Variants in CCNY observed in about 807,000 individuals in gnomAD.
CCNY encodes cyclin Y.
CCNY carries 19 observed loss-of-function variants against 42.8 expected under a neutral mutation model. That is an observed-to-expected ratio of 0.44 (90% CI 0.31 to 0.65). The LOEUF is 0.65. CCNY is among the 30% of genes least tolerant of loss of function. The pLI is 0.07. For synonymous variants in CCNY, 165 were observed against 162.7 expected (o/e 1.01, Z -0.11); for missense variants, 370 against 437.3 (o/e 0.85, Z 1.37).
intron 1 of CCNY, among the ~76,000 whole-genome samples, chr10:35,470,998 C>T (rs1168669155): frequency 3.9e-5 from 6 of 152,162 alleles, no homozygotes; most frequent in Non-Finnish European, 7.4e-5. Flanking sequence ...AAATATTGCT[C>T]AAAAGACAGG....
intron 8 of CCNY, among the ~76,000 whole-genome samples, chr10:35,559,176 G>A (rs1304794408): frequency 1.3e-5 from 2 of 152,224 alleles, no homozygotes; most frequent in Non-Finnish European, 2.9e-5. Context: ...GAATGTCCAA[G>A]GTGCTTATGG....
intron 3 of CCNY, among the ~76,000 whole-genome samples, chr10:35,269,904 G>A (rs6481951): frequency 0.15 from 23,105 of 151,964 alleles, 3,880 homozygotes; most frequent in African/African-American, 0.42. Flanking sequence ...CTGGGGTTAC[G>A]TGCCCGGCCA....
rs1409075249 is a variant in CCNY at position 35,569,304 on chromosome 10, G to A, written c.*134G>A. On this transcript the variant is annotated 3_prime_UTR_variant, in exon 10 of 10. Transcript: ENST00000374704. ...TACGCATAGCTCCGTCAAGCTGCCTGGATGAGCGCCCATGCAGCAAGGCTT... is the reference window on the plus strand; with the variant it reads ...TACGCATAGCTCCGTCAAGCTGCCTAGATGAGCGCCCATGCAGCAAGGCTT... 3.1e-6 allele frequency: 2 copies of A among 644,776 alleles called. No homozygotes were observed. Among genetic ancestry groups the A allele is most frequent in the Non-Finnish European group, 5.5e-6 (2 of 360,476 alleles). 39.9% of individuals were successfully genotyped at this position (644,776 alleles called of 1,614,324 possible). A position where few individuals can be genotyped will look rare whatever the true frequency, so the allele number is the denominator to read the frequency against.
At chr10:35,549,616 A>T (rs868730169) in intron 7 of CCNY, among the ~76,000 whole-genome samples, 1 of 102,272 alleles carries the variant, frequency 9.8e-6, no homozygotes, top group African/African-American at 4.0e-5. Flanking sequence ...TGCTCATGAC[A>T]CATGACCCTA....
Position 35,569,155 on chromosome 10 carries a change from A to T in CCNY, c.1011A>T (p.Pro337=). 6.2e-7 allele frequency: 1 copy of T among 1,608,964 alleles called. No individual in the cohort carries two copies. The highest frequency in any genetic ancestry group is 2.2e-5 in the East Asian group (1 of 44,854). Residue 337 remains proline, a synonymous_variant, in exon 10 of 10, where the codon CCA becomes CCT. Transcript: ENST00000374704. ...ACCTGACTCTGCCCCGGTGGTCCCC[A>T]GCCATCATCTCTTAACTACGGAGGC... ...ADNLTLPRWS[P]AIIS is the part of the protein sequence containing the mutation.
At chr10:35,325,561 C>T (rs1439320942) in intron 3 of CCNY, among the ~76,000 whole-genome samples, 2 of 150,810 alleles carry the variant, frequency 1.3e-5, no homozygotes, top group Admixed American at 1.3e-4. Flanking sequence ...CTCACTGCAG[C>T]CTCTGCCTAC....
intron 1 of CCNY, among the ~76,000 whole-genome samples, chr10:35,430,252 G>A (rs969537475): frequency 4.8e-5 from 7 of 146,536 alleles, no homozygotes; most frequent in Non-Finnish European, 7.5e-5. Flanking sequence ...CAGGAGAATG[G>A]CGTGAACCCG....
intron 3 of CCNY, among the ~76,000 whole-genome samples, chr10:35,512,353 T>A (rs1316254453): frequency 2.0e-5 from 3 of 151,982 alleles, no homozygotes; most frequent in African/African-American, 4.8e-5. Context: ...GTTGAATTAA[T>A]GAGAGTGGGT....
At chr10:35,384,810 C>T (rs564212815) in intron 1 of CCNY, among the ~76,000 whole-genome samples, 1 of 152,282 alleles carries the variant, frequency 6.6e-6, no homozygotes, top group South Asian at 2.1e-4. Flanking sequence ...TCACAAATTG[C>T]TTCCGTGGGC....
At chr10:35,285,695 G>A (rs577370601) in intron 3 of CCNY, among the ~76,000 whole-genome samples, 1 of 152,360 alleles carries the variant, frequency 6.6e-6, no homozygotes, top group African/African-American at 2.4e-5. Flanking sequence ...GGCTCCTAAA[G>A]TGGCGGGATT....
intron 1 of CCNY, among the ~76,000 whole-genome samples, chr10:35,397,144 G>A (rs146183600): frequency 1.4e-4 from 21 of 152,296 alleles, no homozygotes; most frequent in East Asian, 7.7e-4. Flanking sequence ...CAAAACACAC[G>A]CATACAACAA....
chr10:35,252,247 GCA>G (rs2095712470), intron 3 of CCNY, among the ~76,000 whole-genome samples: 1 of 152,076 alleles, frequency 6.6e-6, no homozygotes, highest in Non-Finnish European at 1.5e-5. Context: ...CTCCTCAACA[GCA>G]CAGTTAAATG....
At position 35,513,506 on chromosome 10, in the gene CCNY, T is replaced by C. The variant is rs951819381; in HGVS notation, c.265-3017T>C. Among the ~76,000 whole-genome samples the C allele has an allele frequency of 3.3e-5, 5 of 152,236 alleles. No homozygotes were observed. The South Asian group carries it at 1.0e-3, about 32-fold the overall frequency. Reference sequence around the variant, plus strand: ...ATCCCTGTTGCTTTTTTGACCTGTTTAACGCAGTTTCTACTTAACGATTAC... The same window carrying C: ...ATCCCTGTTGCTTTTTTGACCTGTTCAACGCAGTTTCTACTTAACGATTAC... On this transcript the variant is annotated intron_variant, in intron 3 of 9. Transcript: ENST00000374704.
chr10:35,316,607 T>C (rs1206025201), intron 3 of CCNY, among the ~76,000 whole-genome samples: 1 of 152,212 alleles, frequency 6.6e-6, no homozygotes, highest in Non-Finnish European at 1.5e-5. Context: ...GGAATAATTT[T>C]AACTGTTTAT....
At chr10:35,307,757 T>C (rs1835625982) in intron 3 of CCNY, among the ~76,000 whole-genome samples, 1 of 102,062 alleles carries the variant, frequency 9.8e-6, no homozygotes, top group Non-Finnish European at 1.9e-5. Context: ...TTGATGTGTA[T>C]ATATGTGTGT....
intron 8 of CCNY, among the ~76,000 whole-genome samples, chr10:35,559,993 C>A (rs1841434815): frequency 6.6e-6 from 1 of 151,706 alleles, no homozygotes; most frequent in Non-Finnish European, 1.5e-5. Context: ...TCTGAGTTTT[C>A]TTTCTTTTGG....
chr10:35,416,193 GTCCT>G (rs1838021543), intron 1 of CCNY, among the ~76,000 whole-genome samples: 1 of 151,706 alleles, frequency 6.6e-6, no homozygotes, highest in African/African-American at 2.4e-5. Context: ...GTGTGTGTGT[GTCCT>G]TGTAGGGTGC....
At chr10:35,480,975 AAAAC>A (rs1210035676) in intron 1 of CCNY, among the ~76,000 whole-genome samples, 8 of 152,212 alleles carry the variant, frequency 5.3e-5, no homozygotes, top group Non-Finnish European at 4.4e-5. Context: ...CAAAAACAAA[AAAAC>A]AAACCAATGA....
chr10:35,315,462 C>A (rs953417606), intron 3 of CCNY: 3 of 152,210 alleles, frequency 2.0e-5, no homozygotes, highest in African/African-American at 4.8e-5. Context: ...TTTATGGCTG[C>A]ATAGTATTCC....
Sources: allele counts gnomAD v4.1 joint callset (sites outside exome capture counted in the v4.1 genomes callset), GRCh38; gene constraint gnomAD v4.1.1; transcripts MANE v1.5; gene names NCBI Gene and HGNC (gene_info 2026-07-23, HGNC 2026-07-21).